The following HPSE2 variants were observed in gnomAD, a reference collection of about 807,000 sequenced individuals.
HPSE2 encodes heparanase 2 (inactive), also known as inactive heparanase-2.
HPSE2 carries 38 observed loss-of-function variants against 60.5 expected under a neutral mutation model. That is an observed-to-expected ratio of 0.63 (90% CI 0.48 to 0.82). The LOEUF (loss-of-function observed/expected upper bound fraction) is 0.82, where lower values mean the gene tolerates loss of function less well. HPSE2 is among the 40% of genes least tolerant of loss of function. HPSE2 has a pLI of 0.00. For synonymous variants in HPSE2, 295 were observed against 293.2 expected (o/e 1.01, Z -0.06); for missense variants, 713 against 740.4 (o/e 0.96, Z 0.43).
chr10:98,478,893 T>C (rs1941124613), intron 11 of HPSE2, among the ~76,000 whole-genome samples: 1 of 152,152 alleles, frequency 6.6e-6, no homozygotes, highest in Non-Finnish European at 1.5e-5. Flanking sequence ...GAACAGTCTC[T>C]TATATAAGGA....
At chr10:99,235,842 CGCTAGTGACTAATT>C in exon 1 of HPSE2, 1 of 1,563,678 alleles carries the variant, frequency 6.4e-7, no homozygotes, top group Non-Finnish European at 8.8e-7. Flanking sequence ...TACTGGGTCT[CGCTAGTGACTAATT>C]GTCCTTATCT....
chr10:98,840,246 G>A (rs947629270), intron 3 of HPSE2, among the ~76,000 whole-genome samples: 4 of 152,214 alleles, frequency 2.6e-5, no homozygotes, highest in Non-Finnish European at 5.9e-5. Context: ...TTATATGGTA[G>A]ATAAAGGAGA....
At chr10:99,123,552 G>C (rs886373156) in intron 3 of HPSE2, among the ~76,000 whole-genome samples, 14 of 152,176 alleles carry the variant, frequency 9.2e-5, no homozygotes, top group African/African-American at 3.1e-4. Context: ...AAGGCAAGTG[G>C]GGGCGTGTTT....
intron 7 of HPSE2, among the ~76,000 whole-genome samples, chr10:98,640,215 C>T (rs1175386130): frequency 6.6e-6 from 1 of 152,170 alleles, no homozygotes; most frequent in East Asian, 1.9e-4. Context: ...CTTTGTATCC[C>T]CAGCATCTGA....
intron 3 of HPSE2, among the ~76,000 whole-genome samples, chr10:99,064,707 T>A (rs1842558299): frequency 6.6e-6 from 1 of 150,384 alleles, no homozygotes. Flanking sequence ...AGCATAATAT[T>A]ATTCTAAAAT....
At chr10:98,725,047 A>T (rs1949035179) in intron 4 of HPSE2, among the ~76,000 whole-genome samples, 1 of 152,226 alleles carries the variant, frequency 6.6e-6, no homozygotes, top group Non-Finnish European at 1.5e-5. Context: ...GAATATCGTG[A>T]AAATGGCCAT....
intron 5 of HPSE2, among the ~76,000 whole-genome samples, chr10:98,711,675 G>A (rs1398113736): frequency 6.6e-6 from 1 of 152,014 alleles, no homozygotes; most frequent in Non-Finnish European, 1.5e-5. Context: ...GTACACTGTT[G>A]GCACTCAATA....
Position 99,022,554 on chromosome 10 carries a change from C to T in HPSE2, c.610+121684G>A, listed in dbSNP as rs535144602. Reference sequence around the variant, plus strand: ...GTGCTTGCACGACTCTTCCCCTAACCCCAGGCTGCACAGCTCAAGGCTCCG... The same window carrying T: ...GTGCTTGCACGACTCTTCCCCTAACTCCAGGCTGCACAGCTCAAGGCTCCG... On this transcript the variant is annotated intron_variant, in intron 3 of 11. Coordinates refer to ENST00000370552, the MANE Select transcript of HPSE2 (RefSeq NM_021828.5). 2.6e-5 allele frequency among the ~76,000 whole-genome samples: 4 copies of T among 152,240 alleles called. No individual in the cohort carries two copies. In the East Asian group the frequency reaches 7.7e-4, roughly 29 times the overall value.
intron 9 of HPSE2, among the ~76,000 whole-genome samples, chr10:98,518,010 T>C (rs1381149449): frequency 2.0e-5 from 3 of 152,206 alleles, no homozygotes; most frequent in Admixed American, 6.5e-5. Context: ...CCTCCCAGTG[T>C]CTAGTACCCC....
At chr10:98,928,968 C>G (rs1954565284) in intron 3 of HPSE2, among the ~76,000 whole-genome samples, 1 of 131,374 alleles carries the variant, frequency 7.6e-6, no homozygotes, top group Non-Finnish European at 1.5e-5. Flanking sequence ...TGCACATGTA[C>G]CCTAAAACTT....
intron 3 of HPSE2, 101 bp from the exon 4 acceptor site, chr10:98,744,157 A>G: frequency 9.6e-7 from 1 of 1,040,516 alleles, no homozygotes; most frequent in Middle Eastern, 2.9e-4. Context: ...CTTCCCACTA[A>G]TAAGGAATAA....
intron 3 of HPSE2, among the ~76,000 whole-genome samples, chr10:98,995,157 C>A (rs1400162323): frequency 6.6e-6 from 1 of 152,204 alleles, no homozygotes; most frequent in East Asian, 1.9e-4. Context: ...CTAGCATTCT[C>A]TCCTAAATGA....
chr10:98,544,921 A>G lies in HPSE2; in HGVS notation c.1321-54725T>C, dbSNP rs58111299. On this transcript the variant is annotated intron_variant, in intron 9 of 11. Coordinates refer to ENST00000370552, the MANE Select transcript of HPSE2 (RefSeq NM_021828.5). ...TAGACTGCTAGCAAGACTAATAAAG[A>G]AGAAAAGGGAGAAGAATCAAATAGA... 3.9e-3 allele frequency among the ~76,000 whole-genome samples: 588 copies of G among 152,210 alleles called. 3 individuals are homozygous for G. The highest frequency in any genetic ancestry group is 0.013 in the African/African-American group (556 of 41,542).
chr10:98,739,449 A>T (rs1198938139), intron 4 of HPSE2, among the ~76,000 whole-genome samples: 3 of 145,560 alleles, frequency 2.1e-5, no homozygotes, highest in Non-Finnish European at 4.6e-5. Flanking sequence ...CTGCACATGT[A>T]AAAAAAAAAA....
At chr10:98,809,872 T>A (rs555911888) in intron 3 of HPSE2, among the ~76,000 whole-genome samples, 64 of 152,250 alleles carry the variant, frequency 4.2e-4, no homozygotes, top group African/African-American at 1.5e-3. Context: ...ACCAACCTTA[T>A]CTGGGACTGC....
At position 98,588,471 on chromosome 10, in the gene HPSE2, C is replaced by T. The variant is rs1007610118; in HGVS notation, c.1320+26433G>A. ...AGTGTCTTGGTGTGATTCTGCAAGA[C>T]AAGACCGAAGTCAGTGCTTCTAGTC... On this transcript the variant is annotated intron_variant, in intron 9 of 11. Coordinates refer to ENST00000370552, the MANE Select transcript of HPSE2 (RefSeq NM_021828.5). Among the ~76,000 whole-genome samples the T allele has an allele frequency of 2.0e-5, 3 of 152,168 alleles. No individual in the cohort carries two copies. In the East Asian group the frequency reaches 5.8e-4, roughly 29 times the overall value.
intron 9 of HPSE2, among the ~76,000 whole-genome samples, chr10:98,552,317 C>T (rs1943887110): frequency 7.7e-6 from 1 of 129,592 alleles, no homozygotes; most frequent in Non-Finnish European, 1.8e-5. Flanking sequence ...TCATCATCAT[C>T]ATCATCTTAG....
At chr10:98,767,334 G>A (rs1950142866) in intron 3 of HPSE2, among the ~76,000 whole-genome samples, 1 of 151,874 alleles carries the variant, frequency 6.6e-6, no homozygotes, top group South Asian at 2.1e-4. Flanking sequence ...TGTATTAACA[G>A]AAATAAATCT....
intron 3 of HPSE2, among the ~76,000 whole-genome samples, chr10:98,899,822 T>C (rs998327577): frequency 1.4e-5 from 2 of 147,346 alleles, no homozygotes; most frequent in African/African-American, 5.0e-5. Context: ...AACATGCTGT[T>C]GCCCAGGCCG....
Sources: gnomAD v4.1 joint callset for allele counts (sites outside exome capture counted in the v4.1 genomes callset) on GRCh38, gnomAD v4.1.1 for gene constraint, MANE v1.5 for transcripts, NCBI Gene and HGNC (gene_info 2026-07-23, HGNC 2026-07-21) for gene names.